Variants in RALGPS1 observed in about 807,000 individuals in gnomAD.
RALGPS1 encodes the protein ras-specific guanine nucleotide-releasing factor RalGPS1.
Under a neutral mutation model 78.8 loss-of-function variants are expected in RALGPS1, and 19 were observed. The observed-to-expected ratio is 0.24, with a 90% CI of 0.17 to 0.35. The LOEUF is 0.35. Ranked by LOEUF, RALGPS1 falls within the 10% of genes least tolerant of loss-of-function variation. The pLI, the probability that RALGPS1 is intolerant of heterozygous loss-of-function variation, is 1.00. For missense variants in RALGPS1, 454 were observed against 688.3 expected, an observed-to-expected ratio of 0.66 and a Z score of 3.81; for synonymous variants, 228 against 256.3, an observed-to-expected ratio of 0.89 and a Z score of 1.06.
At chr9:127,141,304 A>G (rs1389370162) in intron 8 of RALGPS1, among the ~76,000 whole-genome samples, 1 of 152,208 alleles carries the variant, frequency 6.6e-6, no homozygotes, top group Non-Finnish European at 1.5e-5. Flanking sequence ...AGTAAATTCA[A>G]GTTTGAGATT....
intron 8 of RALGPS1, among the ~76,000 whole-genome samples, chr9:127,138,395 A>G (rs2057541871): frequency 6.6e-6 from 1 of 152,170 alleles, no homozygotes; most frequent in South Asian, 2.1e-4. Context: ...CACTGTGGCC[A>G]TCAAGCCACC....
At chr9:127,051,326 A>T (rs2048293063) in intron 6 of RALGPS1, among the ~76,000 whole-genome samples, 1 of 152,098 alleles carries the variant, frequency 6.6e-6, no homozygotes, top group Non-Finnish European at 1.5e-5. Context: ...ATCCCTCCTT[A>T]ATCTCTGCCA....
At chr9:126,973,745 C>T (rs536790356) in intron 3 of RALGPS1, among the ~76,000 whole-genome samples, 2 of 152,294 alleles carry the variant, frequency 1.3e-5, no homozygotes, top group South Asian at 2.1e-4. Context: ...CATTAAACAA[C>T]TCCCCATTCC....
intron 3 of RALGPS1, among the ~76,000 whole-genome samples, chr9:126,968,161 C>T (rs1046284502): frequency 2.0e-5 from 3 of 152,066 alleles, no homozygotes; most frequent in Non-Finnish European, 4.4e-5. Flanking sequence ...TACCACCATG[C>T]CCAGCTAATT....
Position 127,205,496 on chromosome 9 carries a change from T to A in RALGPS1, c.1247+6430T>A, listed in dbSNP as rs952324235. Among the ~76,000 whole-genome samples the A allele has an allele frequency of 4.0e-4, 61 of 152,190 alleles. No individual in the cohort carries two copies. Among genetic ancestry groups the A allele is most frequent in the African/African-American group, 1.4e-3 (60 of 41,440 alleles). On this transcript the variant is annotated intron_variant, in intron 14 of 18. Transcript: ENST00000259351. The surrounding 1 kb of genome is among the most constrained non-coding windows in gnomAD (Gnocchi z 4.0). The stretch of plus-strand genomic sequence containing the variant: ...CCCCTGGCCTCTAGGTGCCAGGGCT[T>A]TTTGCTTGACTCTGTTTTCGAGCCC...
rs1216503032 is a variant in RALGPS1 at position 127,122,222 on chromosome 9, C to CA, written c.611-43846dup. ...TCTGAGATCCAGCAGCACACACCCC[C>CA]AGCTGGAGGGTCAGGGTTCTGGAAG... On this transcript the variant is annotated intron_variant, in intron 8 of 18. Transcript: ENST00000259351. The surrounding 1 kb of genome is among the most constrained non-coding windows in gnomAD (Gnocchi z 6.4). The CA allele has an allele frequency of 6.6e-6, 1 of 152,408 alleles. No individual in the cohort carries two copies. Among genetic ancestry groups the CA allele is most frequent in the Non-Finnish European group, 1.5e-5 (1 of 68,208 alleles). The allele number at this position is 152,408 out of a possible 1,614,324, so 9.4% of individuals were successfully genotyped here.
At chr9:127,107,486 T>G (rs1030464889) in intron 8 of RALGPS1, among the ~76,000 whole-genome samples, 1 of 152,204 alleles carries the variant, frequency 6.6e-6, no homozygotes, top group Non-Finnish European at 1.5e-5. Context: ...ACATGGGTAA[T>G]ACTTTCTTTT....
intron 9 of RALGPS1, among the ~76,000 whole-genome samples, chr9:127,168,027 T>C (rs1941708971): frequency 6.6e-6 from 1 of 152,254 alleles, no homozygotes; most frequent in Non-Finnish European, 1.5e-5. Flanking sequence ...CCACAGTTTC[T>C]TCCTCTGTGC....
chr9:127,028,100 C>T (rs2046110584), intron 4 of RALGPS1, among the ~76,000 whole-genome samples: 1 of 152,246 alleles, frequency 6.6e-6, no homozygotes, highest in African/African-American at 2.4e-5. Context: ...GTCTTTTAAG[C>T]CCTGCCTGTG....
chr9:127,089,153 G>T, intron 8 of RALGPS1: 1 of 1,613,780 alleles, frequency 6.2e-7, no homozygotes, highest in Non-Finnish European at 8.5e-7. Context: ...AAGAGAGAAG[G>T]CAGTGAGAGG....
chr9:127,108,922 G>T, intron 8 of RALGPS1: 1 of 628,332 alleles, frequency 1.6e-6, no homozygotes, highest in Non-Finnish European at 2.6e-6. Context: ...TTCTCTTGGA[G>T]TCAGAGAACA....
At chr9:126,916,969 A>T (rs2034234701) in intron 1 of RALGPS1, among the ~76,000 whole-genome samples, 1 of 152,222 alleles carries the variant, frequency 6.6e-6, no homozygotes, top group Non-Finnish European at 1.5e-5. Context: ...GTAGTTGACC[A>T]GTCCAAACTG....
At chr9:127,206,204 C>T (rs2061923204) in intron 14 of RALGPS1, among the ~76,000 whole-genome samples, 1 of 152,242 alleles carries the variant, frequency 6.6e-6, no homozygotes, top group Non-Finnish European at 1.5e-5. Context: ...GGCCCTTCCA[C>T]ATGTGCACTC....
At chr9:127,089,304 G>A (rs2052160044) in intron 8 of RALGPS1, among the ~76,000 whole-genome samples, 2 of 152,210 alleles carry the variant, frequency 1.3e-5, no homozygotes, top group East Asian at 1.9e-4. Context: ...CTTCAGGCCC[G>A]CCTTTGAGGC....
intron 4 of RALGPS1, among the ~76,000 whole-genome samples, chr9:126,999,461 T>C (rs1420854765): frequency 6.6e-6 from 1 of 152,222 alleles, no homozygotes; most frequent in Admixed American, 6.5e-5. Context: ...TATTCTAAAA[T>C]CCTCTGTGCC....
intron 7 of RALGPS1, among the ~76,000 whole-genome samples, chr9:127,054,979 A>AAG (rs1157813676): frequency 3.6e-5 from 5 of 139,708 alleles, no homozygotes; most frequent in Non-Finnish European, 6.3e-5. Flanking sequence ...ATCTCTGAAA[A>AAG]AGAGAGAGAG....
chr9:126,961,862 G>A (rs1313715722), intron 1 of RALGPS1, among the ~76,000 whole-genome samples: 7 of 152,140 alleles, frequency 4.6e-5, no homozygotes, highest in African/African-American at 7.2e-5. Flanking sequence ...TGAAATGGTC[G>A]CACAAGCTAA....
intron 11 of RALGPS1, among the ~76,000 whole-genome samples, chr9:127,192,548 G>A (rs1183204946): frequency 6.6e-6 from 1 of 152,154 alleles, no homozygotes; most frequent in African/African-American, 2.4e-5. Flanking sequence ...TACTCAGGAG[G>A]CTGAGCTGAC....
intron 5 of RALGPS1, among the ~76,000 whole-genome samples, chr9:127,044,260 T>C (rs1415671487): frequency 6.6e-6 from 1 of 152,174 alleles, no homozygotes; most frequent in African/African-American, 2.4e-5. Context: ...GAATCTTTTT[T>C]TTTTTCTTTT....
Sources: gnomAD v4.1 joint callset for allele counts (sites outside exome capture counted in the v4.1 genomes callset) on GRCh38, gnomAD v4.1.1 for gene constraint, Gnocchi (gnomAD v3.1) non-coding constraint, MANE v1.5 for transcripts, NCBI Gene and HGNC (gene_info 2026-07-23, HGNC 2026-07-21) for gene names.